The following NOL4L variants were observed in gnomAD, a reference collection of about 807,000 sequenced individuals.
The protein encoded by NOL4L is nucleolar protein 4-like.
A neutral mutation model predicts 64.5 loss-of-function variants in NOL4L; 7 were observed. The observed-to-expected ratio is 0.11, with a 90% CI of 0.06 to 0.20. The LOEUF is 0.20. Ranked by LOEUF, NOL4L falls within the 10% of genes least tolerant of loss-of-function variation. The probability of loss-of-function intolerance (pLI) is 1.00; values close to 1 mark genes in which losing one functional copy is unlikely to be tolerated. For synonymous variants in NOL4L, 413 were observed against 401.0 expected, an observed-to-expected ratio of 1.03 and a Z score of -0.36; for missense variants, 680 against 967.1, an observed-to-expected ratio of 0.70 and a Z score of 3.94.
intron 1 of NOL4L, chr20:32,537,063 C>A (rs544777717): frequency 6.1e-6 from 6 of 984,920 alleles, no homozygotes; most frequent in Admixed American, 6.2e-5. Context: ...CCTGCCCCGC[C>A]CCCCCGGGAC....
At chr20:32,457,972 C>T (rs2145440476) in intron 5 of NOL4L, among the ~76,000 whole-genome samples, 1 of 152,338 alleles carries the variant, frequency 6.6e-6, no homozygotes, top group South Asian at 2.1e-4. Context: ...AGGTGCCAGA[C>T]CTCCTGGGGG....
intron 3 of NOL4L, among the ~76,000 whole-genome samples, chr20:32,513,601 G>A (rs1000786243): frequency 6.6e-6 from 1 of 152,134 alleles, no homozygotes. Flanking sequence ...GGTGGCTCAC[G>A]CATGTAATCC....
chr20:32,488,806 T>TC (rs1555796617), intron 4 of NOL4L, among the ~76,000 whole-genome samples: 7 of 18,794 alleles, frequency 3.7e-4, no homozygotes, highest in East Asian at 3.8e-3. Flanking sequence ...TTTCTTTCTT[T>TC]TTCTTTCTTT....
At chr20:32,542,198 G>T (rs78779759) in intron 1 of NOL4L, among the ~76,000 whole-genome samples, 1 of 152,336 alleles carries the variant, frequency 6.6e-6, no homozygotes, top group Non-Finnish European at 1.5e-5. Flanking sequence ...CGGGCTAGCT[G>T]CTAGTCCAGG....
In NOL4L at chr20:32,456,263, G is replaced by T. The variant is rs1416431263; in HGVS notation, c.974C>A (p.Thr325Asn). The T allele has an allele frequency of 1.2e-6, 2 of 1,603,094 alleles. No homozygotes were observed. Among genetic ancestry groups the T allele is most frequent in the Admixed American group, 1.7e-5 (1 of 58,372 alleles). Reference sequence around the variant, plus strand: ...GATGGGCTGATCCTCGGCGGCCGTGGTGAAGTCCATGGGGGCCACGGCGCC... The same window carrying T: ...GATGGGCTGATCCTCGGCGGCCGTGTTGAAGTCCATGGGGGCCACGGCGCC... ...GNGAVAPMDF[T>N]TAAEDQPINL... The change falls in exon 6 of 11, where the codon ACC becomes AAC. Residue 325 changes from threonine (T) to asparagine (N), a missense_variant. Around this residue, in one of 4 missense-constraint regions of NOL4L, gnomAD observed 254 missense variants for 238.7 expected, o/e 1.06. Transcript: ENST00000621426.
Position 32,447,021 on chromosome 20 carries a change from C to T in NOL4L, c.*575G>A. 1 of 330,796 alleles carries T rather than the reference C, an allele frequency of 3.0e-6. No homozygotes were observed. The highest frequency in any genetic ancestry group is 5.9e-6 in the Non-Finnish European group (1 of 170,666). 20.5% of individuals were successfully genotyped at this position (330,796 alleles called of 1,614,324 possible). A position where few individuals can be genotyped will look rare whatever the true frequency, so the allele number is the denominator to read the frequency against. The stretch of plus-strand genomic sequence containing the variant: ...CCAGGCATGCAGAGGAACAGCCAGC[C>T]TGGCACCTGTCCTGCCCCTACTGGC... On this transcript the variant is annotated 3_prime_UTR_variant, in exon 11 of 11. Coordinates refer to ENST00000621426, the MANE Select transcript of NOL4L (RefSeq NM_001256798.2).
At chr20:32,465,690 A>C (rs1410711537) in intron 5 of NOL4L, among the ~76,000 whole-genome samples, 2 of 152,250 alleles carry the variant, frequency 1.3e-5, no homozygotes, top group African/African-American at 4.8e-5. Flanking sequence ...CCCTGGCCCC[A>C]AAGCCCCTGC....
intron 1 of NOL4L, chr20:32,536,247 G>A (rs969010932): frequency 4.7e-5 from 46 of 985,336 alleles, no homozygotes; most frequent in Non-Finnish European, 4.8e-5. Flanking sequence ...CGAAGGGGGG[G>A]TCCTAGGCGG....
chr20:32,496,621 G>A (rs1401083465), intron 4 of NOL4L, among the ~76,000 whole-genome samples: 2 of 151,920 alleles, frequency 1.3e-5, no homozygotes, highest in Non-Finnish European at 2.9e-5. Context: ...CATGATCTCA[G>A]CTCACTGCAA....
At chr20:32,488,747 TTTCCTTCCTTCCTTCC>T (rs1206813375) in intron 4 of NOL4L, among the ~76,000 whole-genome samples, 110 of 106,878 alleles carry the variant, frequency 1.0e-3, no homozygotes, top group Admixed American at 1.6e-3. Flanking sequence ...CTTTCTTTCT[TTTCCTTCCTTCCTTCC>T]TTCCTTCCTT....
chr20:32,504,994 C>T (rs2017083333), intron 4 of NOL4L, among the ~76,000 whole-genome samples: 1 of 152,218 alleles, frequency 6.6e-6, no homozygotes, highest in Non-Finnish European at 1.5e-5. Context: ...CCTCTGAACT[C>T]CCAGTTCACC....
chr20:32,489,443 C>T (rs1195457537), intron 4 of NOL4L, among the ~76,000 whole-genome samples: 1 of 151,780 alleles, frequency 6.6e-6, no homozygotes, highest in African/African-American at 2.4e-5. Context: ...CAGGCTCAAT[C>T]CCCTGGACTC....
chr20:32,552,595 GAGAAT>G (rs1339133886), intron 1 of NOL4L, among the ~76,000 whole-genome samples: 1 of 152,176 alleles, frequency 6.6e-6, no homozygotes, highest in Admixed American at 6.5e-5. Flanking sequence ...GCTGAGGCAG[GAGAAT>G]CACTTGAACC....
chr20:32,562,716 G>A (rs958820039), intron 1 of NOL4L, among the ~76,000 whole-genome samples: 1 of 151,696 alleles, frequency 6.6e-6, no homozygotes, highest in African/African-American at 2.4e-5. Context: ...GCCCTCCCTT[G>A]ACCTCCACAG....
chr20:32,531,318 C>T lies in NOL4L; in HGVS notation c.322-3405G>A, dbSNP rs527509973. On this transcript the variant is annotated intron_variant, in intron 1 of 10. Coordinates refer to ENST00000621426, the MANE Select transcript of NOL4L (RefSeq NM_001256798.2). ...TTTATGTAGGTGAGATGGAAATTTC[C>T]CCCTAACCAGCTTGTGGGGGCCTTA... Among the ~76,000 whole-genome samples the T allele has an allele frequency of 8.6e-5, 13 of 151,804 alleles. No homozygotes were observed. In the South Asian group the frequency reaches 2.7e-3, roughly 32 times the overall value.
At position 32,446,015 on chromosome 20, in the gene NOL4L, T is replaced by G. The variant is rs2012313385; in HGVS notation, c.*1581A>C. Reference sequence around the variant, plus strand: ...GTGGCTCTCCGTGGCCATCCTAGGATCCACTCGGCCCTGGCTCCCCTGGGG... The same window carrying G: ...GTGGCTCTCCGTGGCCATCCTAGGAGCCACTCGGCCCTGGCTCCCCTGGGG... On this transcript the variant is annotated 3_prime_UTR_variant, in exon 11 of 11. Transcript: ENST00000621426. 6.6e-6 allele frequency: 1 copy of G among 152,154 alleles called. No individual in the cohort carries two copies. Among genetic ancestry groups the G allele is most frequent in the African/African-American group, 2.4e-5 (1 of 41,416 alleles). 9.4% of individuals were successfully genotyped at this position (152,154 alleles called of 1,614,324 possible).
Position 32,443,602 on chromosome 20 carries a change from T to C in NOL4L, c.*3994A>G, listed in dbSNP as rs893313364. On this transcript the variant is annotated 3_prime_UTR_variant, in exon 11 of 11. Transcript: ENST00000621426. ...AGAGGAACCCTGAAGAAATGGCTTG[T>C]ACTATCTGCACTGAAAGTCTTAAAT... 2.0e-5 allele frequency: 3 copies of C among 152,258 alleles called. No homozygotes were observed. The highest frequency in any genetic ancestry group is 4.4e-5 in the Non-Finnish European group (3 of 68,058). The allele number at this position is 152,258 out of a possible 1,614,324, so 9.4% of individuals were successfully genotyped here.
At chr20:32,557,104 A>G (rs1978703419) in intron 1 of NOL4L, among the ~76,000 whole-genome samples, 1 of 152,188 alleles carries the variant, frequency 6.6e-6, no homozygotes, top group African/African-American at 2.4e-5. Flanking sequence ...GGGTTGAAAC[A>G]ACGTTTGTGA....
intron 1 of NOL4L, among the ~76,000 whole-genome samples, chr20:32,532,066 G>A (rs964747505): frequency 1.3e-5 from 2 of 152,144 alleles, no homozygotes; most frequent in African/African-American, 2.4e-5. Flanking sequence ...CCTCCCACCT[G>A]CCCTCTTAGG....
Sources: allele counts gnomAD v4.1 joint callset (sites outside exome capture counted in the v4.1 genomes callset), GRCh38; gene constraint gnomAD v4.1.1; regional missense constraint gnomAD v4.1.1; transcripts MANE v1.5; gene names NCBI Gene and HGNC (gene_info 2026-07-23, HGNC 2026-07-21).